TVP23C: variants seen among roughly 807,000 people sequenced by gnomAD.
The protein encoded by TVP23C is Golgi apparatus membrane protein TVP23 homolog C.
Under a neutral mutation model 28.7 loss-of-function variants are expected in TVP23C, and 19 were observed. That is an observed-to-expected ratio of 0.66 (90% CI 0.46 to 0.97). The LOEUF is 0.97. TVP23C is among the 50% of genes least tolerant of loss of function. TVP23C has a pLI of 0.00. For synonymous variants in TVP23C, 68 were observed against 81.7 expected, an observed-to-expected ratio of 0.83 and a Z score of 0.90; for missense variants, 186 against 241.3, an observed-to-expected ratio of 0.77 and a Z score of 1.52.
rs183475449 is a variant in TVP23C, at chr17:15,512,873, C to T, written c.463-9641G>A. On this transcript the variant is annotated intron_variant, in intron 5 of 5. Coordinates refer to the TVP23C transcript ENST00000225576. The stretch of plus-strand genomic sequence containing the variant: ...CAAATCAAAAGGGAGATGACCCATC[C>T]ATCCCCATGGAGTCCCCCTGCTTGG... Among the ~76,000 whole-genome samples, 553 of 152,272 alleles carry T rather than the reference C, an allele frequency of 3.6e-3. 3 individuals are homozygous for T. Among genetic ancestry groups the T allele is most frequent in the Non-Finnish European group, 5.0e-3 (342 of 68,016 alleles).
At chr17:15,523,359 G>A (rs1462893799) in intron 5 of TVP23C, among the ~76,000 whole-genome samples, 1 of 151,018 alleles carries the variant, frequency 6.6e-6, no homozygotes, top group Non-Finnish European at 1.5e-5. Flanking sequence ...TTGCCAGGCT[G>A]GAGTGCAGTG....
intron 5 of TVP23C, among the ~76,000 whole-genome samples, chr17:15,505,738 C>T (rs1471227132): frequency 6.6e-6 from 1 of 152,208 alleles, no homozygotes; most frequent in African/African-American, 2.4e-5. Context: ...AGGGCGCTTG[C>T]GGGCCAGCTG....
At chr17:15,521,816 G>C (rs1312952367) in intron 5 of TVP23C, among the ~76,000 whole-genome samples, 4 of 152,270 alleles carry the variant, frequency 2.6e-5, no homozygotes, top group South Asian at 2.1e-4. Flanking sequence ...TTGTCACACA[G>C]AGGTCTATAA....
chr17:15,547,716 G>A (rs2150854386), intron 3 of TVP23C, among the ~76,000 whole-genome samples: 1 of 152,250 alleles, frequency 6.6e-6, no homozygotes, highest in East Asian at 1.9e-4. Flanking sequence ...CAGGGAAAGA[G>A]GTGAAGAGAG....
intron 3 of TVP23C, among the ~76,000 whole-genome samples, chr17:15,552,229 G>A (rs1329592506): frequency 2.0e-5 from 3 of 152,126 alleles, no homozygotes; most frequent in Non-Finnish European, 2.9e-5. Context: ...AAATACTTTG[G>A]AGCATAAAGT....
intron 3 of TVP23C, among the ~76,000 whole-genome samples, chr17:15,552,345 G>A (rs769799074): frequency 6.6e-5 from 10 of 152,140 alleles, no homozygotes; most frequent in Admixed American, 1.3e-4. Flanking sequence ...TGCGGCCTAC[G>A]GAAACTGGCC....
chr17:15,531,102 CT>C (rs1982934128), intron 5 of TVP23C: 1 of 152,164 alleles, frequency 6.6e-6, no homozygotes, highest in Non-Finnish European at 1.5e-5. Flanking sequence ...AAGTTTTTTT[CT>C]TTTAGCACTT....
At chr17:15,561,205 T>C (rs1984367922) in intron 1 of TVP23C, among the ~76,000 whole-genome samples, 1 of 152,180 alleles carries the variant, frequency 6.6e-6, no homozygotes, top group South Asian at 2.1e-4. Context: ...TGAGTTTTAA[T>C]AGTTGCCTAA....
chr17:15,539,068 G>T lies in TVP23C; in HGVS notation c.*1344C>A. 1.0e-6 allele frequency: 1 copy of T among 984,160 alleles called. No homozygotes were observed. Among genetic ancestry groups the T allele is most frequent in the Non-Finnish European group, 1.2e-6 (1 of 828,966 alleles). The allele number at this position is 984,160 out of a possible 1,614,324, so 61.0% of individuals were successfully genotyped here. On this transcript the variant is annotated 3_prime_UTR_variant, in exon 6 of 6. Transcript: ENST00000518321. Reference sequence around the variant, plus strand: ...TTAAGTAAATAATTTAATTTCTCGGGGCTTTAGTTATCTAAAATGTAATCC... The same window carrying T: ...TTAAGTAAATAATTTAATTTCTCGGTGCTTTAGTTATCTAAAATGTAATCC...
At position 15,531,228 on chromosome 17, in the gene TVP23C, C is replaced by T. The variant is rs2654260; in HGVS notation, c.462+14557G>A. 5 of 152,164 alleles carry T rather than the reference C, an allele frequency of 3.3e-5. No homozygotes were observed. The East Asian group carries it at 5.8e-4, about 18-fold the overall frequency. 9.4% of individuals were successfully genotyped at this position (152,164 alleles called of 1,614,324 possible). ...AGTTGTTTTTCTCCTGCTGCTTTAA[C>T]GACTGTCTTTGTCTCTGGCTTTTGA... On this transcript the variant is annotated intron_variant, in intron 5 of 5. Coordinates refer to the TVP23C transcript ENST00000225576.
chr17:15,545,559 A>C (rs1192952633), intron 5 of TVP23C, among the ~76,000 whole-genome samples: 10 of 152,422 alleles, frequency 6.6e-5, no homozygotes, highest in South Asian at 2.1e-4. Flanking sequence ...ATTTCCAGAA[A>C]AGACCACTAA....
chr17:15,553,773 C>CAA lies in TVP23C; in HGVS notation c.151_152insTT (p.Cys51PhefsTer30), dbSNP rs1984002691. Reference sequence around the variant, plus strand: ...GCTGCTGAGCAACTCACAGAGAAGACAGACGATGATTGCACTGACTCGAAA... The same window carrying CAA: ...GCTGCTGAGCAACTCACAGAGAAGACAAAGACGATGATTGCACTGACTCGAAA... On this transcript the variant is annotated frameshift_variant, in exon 3 of 6. Coordinates refer to ENST00000518321, the MANE Select transcript of TVP23C (RefSeq NM_001135036.2). LOFTEE classifies it high-confidence loss of function. 6.2e-7 allele frequency: 1 copy of CAA among 1,612,720 alleles called. No homozygotes were observed. Among genetic ancestry groups the CAA allele is most frequent in the Non-Finnish European group, 8.5e-7 (1 of 1,179,476 alleles).
intron 5 of TVP23C, among the ~76,000 whole-genome samples, chr17:15,523,714 C>T (rs528335694): frequency 2.7e-5 from 4 of 150,212 alleles, no homozygotes; most frequent in South Asian, 2.1e-4. Context: ...CCCAGGTTCA[C>T]GCCATTCTCC....
intron 5 of TVP23C, among the ~76,000 whole-genome samples, chr17:15,525,296 C>A (rs1156233381): frequency 1.3e-5 from 2 of 152,312 alleles, no homozygotes; most frequent in Middle Eastern, 3.4e-3. Flanking sequence ...GCTGTCATAG[C>A]GTTTACAGAC....
At position 15,539,434 on chromosome 17, in the gene TVP23C, C is replaced by A; in HGVS notation, c.*978G>T. 4.4e-6 allele frequency: 2 copies of A among 450,104 alleles called. No individual in the cohort carries two copies. Among genetic ancestry groups the A allele is most frequent in the Non-Finnish European group, 5.9e-6 (2 of 341,114 alleles). 27.9% of individuals were successfully genotyped at this position (450,104 alleles called of 1,614,324 possible). ...CATCCTGGCTAACACGGTGAAACCC[C>A]GTCTCTACTAAAAATACAAAAAAGC... On this transcript the variant is annotated 3_prime_UTR_variant, in exon 6 of 6. Transcript: ENST00000518321.
At chr17:15,502,836 C>T (rs1369381832) in exon 6 of TVP23C, 4 of 1,538,654 alleles carry the variant, frequency 2.6e-6, no homozygotes, top group African/African-American at 1.4e-5. Context: ...CTCTCTCCTG[C>T]GAGGAGCTTC....
chr17:15,549,217 T>C (rs1410631353), intron 3 of TVP23C, among the ~76,000 whole-genome samples: 1 of 152,176 alleles, frequency 6.6e-6, no homozygotes, highest in Non-Finnish European at 1.5e-5. Flanking sequence ...GCATTCCAGA[T>C]AGAGCAGCAG....
downstream of TVP23C, among the ~76,000 whole-genome samples, chr17:15,532,381 G>A (rs556321850): frequency 2.6e-4 from 40 of 152,234 alleles, no homozygotes; most frequent in Non-Finnish European, 5.1e-4. Flanking sequence ...ACAAATCTCT[G>A]GGGATGGGGC....
chr17:15,524,674 C>CT (rs764092101), intron 5 of TVP23C, among the ~76,000 whole-genome samples: 1 of 151,734 alleles, frequency 6.6e-6, no homozygotes, highest in Non-Finnish European at 1.5e-5. Context: ...CTCCATCCCT[C>CT]TGTTTTCTCA....
Sources: allele counts gnomAD v4.1 joint callset (sites outside exome capture counted in the v4.1 genomes callset), GRCh38; gene constraint gnomAD v4.1.1; transcripts MANE v1.5; gene names NCBI Gene and HGNC (gene_info 2026-07-23, HGNC 2026-07-21).